AFAP1: variants seen among roughly 807,000 people sequenced by gnomAD.
The protein encoded by AFAP1 is actin filament associated protein 1.
A neutral mutation model predicts 93.9 loss-of-function variants in AFAP1; 75 were observed. The observed-to-expected ratio is 0.80, with a 90% CI of 0.66 to 0.97. The LOEUF (loss-of-function observed/expected upper bound fraction) is 0.97, where lower values mean the gene tolerates loss of function less well. AFAP1 is among the 50% of genes least tolerant of loss of function. The pLI, the probability that AFAP1 is intolerant of heterozygous loss-of-function variation, is 0.00. For synonymous variants in AFAP1, 517 were observed against 430.7 expected (o/e 1.20, Z -2.48); for missense variants, 1,201 against 1,050.8 (o/e 1.14, Z -1.98).
chr4:7,806,947 G>A (rs1029298174), intron 9 of AFAP1, among the ~76,000 whole-genome samples: 1 of 152,168 alleles, frequency 6.6e-6, no homozygotes, highest in South Asian at 2.1e-4. Context: ...CAGGAGCCAC[G>A]GGAGTGTTCA....
intron 7 of AFAP1, among the ~76,000 whole-genome samples, chr4:7,817,038 G>C (rs1438070691): frequency 6.6e-6 from 1 of 152,222 alleles, no homozygotes; most frequent in Non-Finnish European, 1.5e-5. Context: ...TACTGCCTTA[G>C]AAACCAACAT....
At chr4:7,795,957 G>A (rs1243387238) in intron 10 of AFAP1, among the ~76,000 whole-genome samples, 1 of 152,082 alleles carries the variant, frequency 6.6e-6, no homozygotes, top group East Asian at 1.9e-4. Flanking sequence ...ACATAGATAG[G>A]TATAGACATA....
At chr4:7,836,739 C>T (rs1186225846) in intron 6 of AFAP1, among the ~76,000 whole-genome samples, 1 of 152,168 alleles carries the variant, frequency 6.6e-6, no homozygotes, top group Non-Finnish European at 1.5e-5. Context: ...TGAGCCGCTG[C>T]GCCCAGCCAG....
Position 7,929,123 on chromosome 4 carries a change from C to G in AFAP1, c.-3+10533G>C, listed in dbSNP as rs372117014. On this transcript the variant is annotated intron_variant, in intron 1 of 17. Transcript: ENST00000420658. ...CTACATTTCTCATGCAGGGCACAGA[C>G]TAAGTATTTTGTGCCTTGCTTTGCA... is the stretch of plus-strand genomic sequence containing the variant. 7.9e-5 allele frequency among the ~76,000 whole-genome samples: 12 copies of G among 152,360 alleles called. No homozygotes were observed. In the South Asian group the frequency reaches 2.3e-3, roughly 29 times the overall value.
intron 3 of AFAP1, among the ~76,000 whole-genome samples, chr4:7,859,474 T>TA (rs1715433037): frequency 6.6e-6 from 1 of 151,932 alleles, no homozygotes; most frequent in Non-Finnish European, 1.5e-5. Flanking sequence ...TTTAGACACT[T>TA]AAAAAGAAGT....
intron 6 of AFAP1, among the ~76,000 whole-genome samples, chr4:7,819,544 C>T (rs1439016777): frequency 6.6e-6 from 1 of 152,136 alleles, no homozygotes; most frequent in African/African-American, 2.4e-5. Context: ...TACTTTAGAT[C>T]AAGAGACCAG....
chr4:7,866,056 C>G (rs1368999199), intron 3 of AFAP1, among the ~76,000 whole-genome samples: 1 of 152,052 alleles, frequency 6.6e-6, no homozygotes, highest in Non-Finnish European at 1.5e-5. Flanking sequence ...AACACCATGC[C>G]CAGCCAATTT....
chr4:7,893,297 T>A (rs996568485), intron 1 of AFAP1, among the ~76,000 whole-genome samples: 1 of 152,172 alleles, frequency 6.6e-6, no homozygotes, highest in African/African-American at 2.4e-5. Context: ...AAGCTAAGGA[T>A]TGGCTGGGTG....
intron 9 of AFAP1, among the ~76,000 whole-genome samples, chr4:7,807,958 A>C (rs1490537986): frequency 6.6e-6 from 1 of 152,170 alleles, no homozygotes; most frequent in Non-Finnish European, 1.5e-5. Flanking sequence ...TGTTGAATAC[A>C]TTTATCTTTG....
intron 1 of AFAP1, among the ~76,000 whole-genome samples, chr4:7,895,852 G>GTTTTT (rs35666187): frequency 1.3e-4 from 14 of 110,596 alleles, no homozygotes; most frequent in Non-Finnish European, 1.8e-4. Flanking sequence ...TCTTCAGAAA[G>GTTTTT]TTTTTTTTTT....
At chr4:7,932,148 C>T (rs1204376504) in intron 1 of AFAP1, among the ~76,000 whole-genome samples, 5 of 152,208 alleles carry the variant, frequency 3.3e-5, no homozygotes, top group Middle Eastern at 3.4e-3. Context: ...TGAGCCACCA[C>T]GCCTGGCCCT....
At chr4:7,803,449 A>T (rs2149037398) in intron 9 of AFAP1, among the ~76,000 whole-genome samples, 1 of 152,330 alleles carries the variant, frequency 6.6e-6, no homozygotes, top group Non-Finnish European at 1.5e-5. Context: ...CCCAGTCCCG[A>T]TCCCCAAAAC....
intron 11 of AFAP1, among the ~76,000 whole-genome samples, chr4:7,787,710 G>A (rs959465337): frequency 1.3e-5 from 2 of 152,188 alleles, no homozygotes; most frequent in African/African-American, 4.8e-5. Context: ...CCTTCAAGGA[G>A]GGCAGGCCGG....
rs1388932420 is a variant in AFAP1, at chr4:7,763,683, G to A, written c.*82C>T. 2.0e-6 allele frequency: 3 copies of A among 1,528,664 alleles called. No homozygotes were observed. The highest frequency in any genetic ancestry group is 2.7e-6 in the Non-Finnish European group (3 of 1,126,678). 94.7% of individuals were successfully genotyped at this position (1,528,664 alleles called of 1,614,324 possible). ...AGTCGTGCAGCTGAGGCCACTCTGG[G>A]CAGAGCTTCCTGCCGTCACACAGAT... is the stretch of plus-strand genomic sequence containing the variant. On this transcript the variant is annotated 3_prime_UTR_variant, in exon 18 of 18. Transcript: ENST00000420658.
At chr4:7,780,746 G>A (rs563753260) in intron 13 of AFAP1, among the ~76,000 whole-genome samples, 33 of 151,942 alleles carry the variant, frequency 2.2e-4, no homozygotes, top group Non-Finnish European at 3.7e-4. Flanking sequence ...TCAACATCAC[G>A]GTTATTATTG....
chr4:7,807,129 C>G (rs1719584175), intron 9 of AFAP1, among the ~76,000 whole-genome samples: 1 of 152,200 alleles, frequency 6.6e-6, no homozygotes, highest in East Asian at 1.9e-4. Flanking sequence ...CAAAGTCTCT[C>G]AATTGCCTTT....
chr4:7,903,824 C>A (rs1008903203), intron 1 of AFAP1, among the ~76,000 whole-genome samples: 1 of 152,098 alleles, frequency 6.6e-6, no homozygotes, highest in Non-Finnish European at 1.5e-5. Flanking sequence ...AAAAAGGAGG[C>A]GGGCGGGCAG....
intron 17 of AFAP1, among the ~76,000 whole-genome samples, chr4:7,765,057 G>A (rs1388646305): frequency 1.3e-5 from 2 of 152,186 alleles, no homozygotes; most frequent in Non-Finnish European, 2.9e-5. Flanking sequence ...AGTAAGCCAT[G>A]ATCGCCACTG....
At chr4:7,836,951 G>A (rs561177025) in intron 6 of AFAP1, among the ~76,000 whole-genome samples, 40 of 152,136 alleles carry the variant, frequency 2.6e-4, no homozygotes, top group East Asian at 3.9e-4. Context: ...AATGCCTAGC[G>A]TGAACTTGAG....
Sources: allele counts gnomAD v4.1 joint callset (sites outside exome capture counted in the v4.1 genomes callset), GRCh38; gene constraint gnomAD v4.1.1; transcripts MANE v1.5; gene names NCBI Gene and HGNC (gene_info 2026-07-23, HGNC 2026-07-21).